Variants in SLC6A6 observed in about 807,000 individuals in gnomAD.
The protein encoded by SLC6A6 is sodium- and chloride-dependent taurine transporter.
SLC6A6 carries 16 observed loss-of-function variants against 68.8 expected under a neutral mutation model. That is an observed-to-expected ratio of 0.23 (90% confidence interval 0.16 to 0.35). SLC6A6 has a LOEUF of 0.35. Ranked by LOEUF, SLC6A6 falls within the 10% of genes least tolerant of loss-of-function variation. The probability of loss-of-function intolerance (pLI) is 1.00; values close to 1 mark genes in which losing one functional copy is unlikely to be tolerated. For missense variants in SLC6A6, 474 were observed against 802.8 expected, an observed-to-expected ratio of 0.59 and a Z score of 4.95; for synonymous variants, 312 against 315.4, an observed-to-expected ratio of 0.99 and a Z score of 0.12.
At chr3:14,408,990 A>G (rs1286946114) in intron 1 of SLC6A6, among the ~76,000 whole-genome samples, 1 of 152,068 alleles carries the variant, frequency 6.6e-6, no homozygotes, top group Non-Finnish European at 1.5e-5. Context: ...TTGTATTTTT[A>G]GTAGAGACAG....
intron 1 of SLC6A6, among the ~76,000 whole-genome samples, chr3:14,415,055 C>CA (rs1699333298): frequency 6.6e-6 from 1 of 152,220 alleles, no homozygotes; most frequent in Non-Finnish European, 1.5e-5. Flanking sequence ...ACTAATCCAG[C>CA]CCAGACTTCA....
chr3:14,435,184 C>T (rs911245605), intron 2 of SLC6A6, among the ~76,000 whole-genome samples: 1 of 152,210 alleles, frequency 6.6e-6, no homozygotes, highest in Non-Finnish European at 1.5e-5. Flanking sequence ...GGTGCAAATC[C>T]TGGCCCACTG....
intron 12 of SLC6A6, 72 bp from the exon 13 acceptor site, chr3:14,479,013 C>T: frequency 2.2e-6 from 2 of 921,980 alleles, no homozygotes; most frequent in Non-Finnish European, 3.6e-6. Flanking sequence ...CCCAGAGACC[C>T]CACTCATGGC....
chr3:14,461,196 G>T (rs766156957), intron 6 of SLC6A6, among the ~76,000 whole-genome samples: 10 of 152,214 alleles, frequency 6.6e-5, no homozygotes, highest in African/African-American at 2.4e-4. Flanking sequence ...TGTGAGTGCC[G>T]GGCAGCATTC....
intron 11 of SLC6A6, among the ~76,000 whole-genome samples, chr3:14,478,143 A>C (rs1443609309): frequency 6.6e-6 from 1 of 152,184 alleles, no homozygotes; most frequent in Admixed American, 6.5e-5. Flanking sequence ...CCACCCCAGA[A>C]GTCAGATTTT....
chr3:14,439,943 G>T (rs1699943514), intron 2 of SLC6A6, among the ~76,000 whole-genome samples: 1 of 152,166 alleles, frequency 6.6e-6, no homozygotes, highest in South Asian at 2.1e-4. Flanking sequence ...GTGACCTCAG[G>T]GCGTCTCTTG....
intron 1 of SLC6A6, among the ~76,000 whole-genome samples, chr3:14,404,437 A>G (rs1699060615): frequency 6.6e-6 from 1 of 152,152 alleles, no homozygotes; most frequent in African/African-American, 2.4e-5. Context: ...GACTGGTAGA[A>G]TGGTGGGAGG....
At chr3:14,437,568 C>CAAT (rs1699885877) in intron 2 of SLC6A6, among the ~76,000 whole-genome samples, 1 of 152,138 alleles carries the variant, frequency 6.6e-6, no homozygotes, top group Non-Finnish European at 1.5e-5. Flanking sequence ...TGGATCAAGC[C>CAAT]AATTAACTTA....
chr3:14,468,333 G>T lies in SLC6A6; in HGVS notation c.1096+121G>T. On this transcript the variant is annotated intron_variant, in intron 9 of 14. Coordinates refer to ENST00000622186, the MANE Select transcript of SLC6A6 (RefSeq NM_003043.6). This position sits in a 1 kb window ranked among gnomAD's most constrained non-coding sequence, Gnocchi z 4.5. ...GGGGGACGAGCCTGGTTTCTAAAATGGACCCCCCCCCCGCCACCAAGATAT... is the reference window on the plus strand; with the variant it reads ...GGGGGACGAGCCTGGTTTCTAAAATTGACCCCCCCCCCGCCACCAAGATAT... 2 of 803,296 alleles carry T rather than the reference G, an allele frequency of 2.5e-6. No homozygotes were observed. Among genetic ancestry groups the T allele is most frequent in the Non-Finnish European group, 1.8e-6 (1 of 553,126 alleles). 49.8% of individuals were successfully genotyped at this position (803,296 alleles called of 1,614,324 possible).
chr3:14,445,932 G>T, intron 4 of SLC6A6, 81 bp downstream of exon 4: 1 of 1,432,440 alleles, frequency 7.0e-7, no homozygotes. Flanking sequence ...TGTCTGCCAG[G>T]TCCATTGGAG....
In SLC6A6 at chr3:14,488,612, C is replaced by T. The variant is rs1223112435; in HGVS notation, c.*3605C>T. ...ATCCCTCCCTCAGACCCATGTGGTC[C>T]CAGGCCAGGCTGCCTGGGACACGGT... On this transcript the variant is annotated 3_prime_UTR_variant, in exon 15 of 15. Coordinates refer to ENST00000622186, the MANE Select transcript of SLC6A6 (RefSeq NM_003043.6). 2.6e-5 allele frequency: 4 copies of T among 152,182 alleles called. No individual in the cohort carries two copies. The highest frequency in any genetic ancestry group is 2.6e-4 in the Admixed American group (4 of 15,282). The allele number at this position is 152,182 out of a possible 1,614,324, so 9.4% of individuals were successfully genotyped here.
intron 5 of SLC6A6, among the ~76,000 whole-genome samples, chr3:14,456,876 C>T (rs542419457): frequency 5.8e-4 from 88 of 152,374 alleles, no homozygotes; most frequent in African/African-American, 2.0e-3. Flanking sequence ...GACCCTGTCT[C>T]TTGTGGCCAG....
chr3:14,407,688 G>A (rs57208079), intron 1 of SLC6A6, among the ~76,000 whole-genome samples: 193 of 152,148 alleles, frequency 1.3e-3, no homozygotes, highest in African/African-American at 4.0e-3. Context: ...TGTATTTCTT[G>A]TAGAGACAGG....
chr3:14,455,163 C>T (rs1370925715), intron 5 of SLC6A6, among the ~76,000 whole-genome samples: 10 of 152,198 alleles, frequency 6.6e-5, no homozygotes, highest in South Asian at 4.1e-4. Context: ...TCAAAGCAAA[C>T]GTCCCTGGAT....
chr3:14,483,475 C>G (rs970965109), intron 14 of SLC6A6, among the ~76,000 whole-genome samples: 1 of 152,196 alleles, frequency 6.6e-6, no homozygotes, highest in Non-Finnish European at 1.5e-5. Flanking sequence ...CCCCAAGTGG[C>G]TGCCTGGGGG....
chr3:14,464,305 G>C lies in SLC6A6; in HGVS notation c.733-2211G>C, dbSNP rs185137722. The stretch of plus-strand genomic sequence containing the variant: ...GCTGGTCTGCTATGTGTGGGCTGTG[G>C]GGCAGGTCCCCATTCTGTTGCTTAA... On this transcript the variant is annotated intron_variant, in intron 6 of 14. Transcript: ENST00000622186. Among the ~76,000 whole-genome samples the C allele has an allele frequency of 1.3e-3, 195 of 152,290 alleles. 1 individual carries two copies. Among genetic ancestry groups the C allele is most frequent in the African/African-American group, 4.5e-3 (187 of 41,558 alleles).
chr3:14,408,996 G>A lies in SLC6A6; in HGVS notation c.-54+6149G>A, dbSNP rs540106468. 3.3e-5 allele frequency among the ~76,000 whole-genome samples: 5 copies of A among 152,268 alleles called. No homozygotes were observed. The South Asian group carries it at 8.3e-4, about 25-fold the overall frequency. On this transcript the variant is annotated intron_variant, in intron 1 of 14. Transcript: ENST00000622186. ...TAATTTTTTTTGTATTTTTAGTAGA[G>A]ACAGAGTTTCACCATGTTAGCCAGG...
At chr3:14,457,841 C>T (rs1424069087) in intron 5 of SLC6A6, 109 bp from the exon 6 acceptor site, 5 of 964,706 alleles carry the variant, frequency 5.2e-6, no homozygotes, top group Admixed American at 2.0e-5. Flanking sequence ...TATGTAAATG[C>T]AGCGCCTCAG....
chr3:14,410,678 C>G (rs573505327), intron 1 of SLC6A6, among the ~76,000 whole-genome samples: 58 of 152,340 alleles, frequency 3.8e-4, no homozygotes, highest in African/African-American at 1.3e-3. Flanking sequence ...CCTTGCCGAC[C>G]CAGAGGCTCA....
Sources: allele counts gnomAD v4.1 joint callset (sites outside exome capture counted in the v4.1 genomes callset), GRCh38; gene constraint gnomAD v4.1.1; non-coding constraint Gnocchi (gnomAD v3.1); transcripts MANE v1.5; gene names NCBI Gene and HGNC (gene_info 2026-07-23, HGNC 2026-07-21).